CDH23: variants seen among roughly 807,000 people sequenced by gnomAD.
CDH23 encodes the protein cadherin-23.
In CDH23, 189 loss-of-function variants were observed where a neutral mutation model predicts 317.1. The observed-to-expected ratio is 0.60, with a 90% CI of 0.53 to 0.67. The LOEUF (loss-of-function observed/expected upper bound fraction) is 0.67. Among genes scored for constraint, CDH23 ranks in the 30% least tolerant of loss-of-function variants. CDH23 has a pLI of 0.00. For missense variants in CDH23, 4,401 were observed against 4,592.4 expected (o/e 0.96, Z 1.20); for synonymous variants, 1,839 against 1,876.8 (o/e 0.98, Z 0.52).
In CDH23 at chr10:71,777,727, G is replaced by T. The variant is rs576781235; in HGVS notation, c.4893G>T (p.Ala1631=). The T allele has an allele frequency of 2.0e-5, 33 of 1,613,520 alleles. No individual in the cohort carries two copies. Among genetic ancestry groups the T allele is most frequent in the Non-Finnish European group, 2.8e-5 (33 of 1,179,742 alleles). Residue 1631 remains alanine, a synonymous_variant, in exon 39 of 70, where the codon GCG becomes GCT. Coordinates refer to ENST00000224721, the MANE Select transcript of CDH23 (RefSeq NM_022124.6). ...CCATTGTGGATGAGAATGATAACGC[G>T]CCCATGTTCCAGCAGCCCCACTATG... ...YVTIVDENDN[A]PMFQQPHYEV... is the part of the protein sequence containing the mutation.
intron 6 of CDH23, among the ~76,000 whole-genome samples, chr10:71,532,727 G>GTTTTTTT (rs200038577): frequency 9.6e-5 from 9 of 93,930 alleles, no homozygotes; most frequent in Non-Finnish European, 1.9e-4. Context: ...TTTTTTTTTT[G>GTTTTTTT]TTTTTTTTTT....
chr10:71,677,707 GAGCCCTGCACTCCTGCCATTTATCTT>G lies in CDH23; in HGVS notation c.1752+19_1752+44del. ...GTGCGGCTCCGGGTAAGGTGCCAGG[GAGCCCTGCACTCCTGCCATTTATCTT>G]AGCCTTCTCCCTGTACTTGCTTGCT... On this transcript the variant is annotated intron_variant, in intron 16 of 69. Coordinates refer to ENST00000224721, the MANE Select transcript of CDH23 (RefSeq NM_022124.6). The G allele has an allele frequency of 6.5e-7, 1 of 1,541,986 alleles. No homozygotes were observed. The highest frequency in any genetic ancestry group is 1.4e-5 in the African/African-American group (1 of 73,000).
intron 22 of CDH23, among the ~76,000 whole-genome samples, chr10:71,697,916 T>C (rs10999959): frequency 0.62 from 93,555 of 152,008 alleles, 29,310 homozygotes; most frequent in Non-Finnish European, 0.7. Context: ...TGGAGATTTT[T>C]GGTGCCCCAG....
intron 3 of CDH23, among the ~76,000 whole-genome samples, chr10:71,487,785 C>A (rs1424805770): frequency 6.6e-6 from 1 of 152,098 alleles, no homozygotes; most frequent in Non-Finnish European, 1.5e-5. Context: ...GCCTAGACAC[C>A]CTGGTGAGCC....
chr10:71,811,481 C>T (rs2133001883), intron 63 of CDH23, 30 bp from the exon 64 acceptor site: 2 of 1,613,982 alleles, frequency 1.2e-6, no homozygotes, highest in East Asian at 2.2e-5. Flanking sequence ...CTCCCCACTG[C>T]CCGGGCTTAC....
intron 38 of CDH23, among the ~76,000 whole-genome samples, chr10:71,745,514 C>G (rs963582586): frequency 1.3e-5 from 2 of 152,264 alleles, no homozygotes; most frequent in East Asian, 1.9e-4. Flanking sequence ...CAAGACCCCC[C>G]CTCTACTGCC....
chr10:71,454,340 A>G (rs2132042802), intron 3 of CDH23, among the ~76,000 whole-genome samples: 1 of 152,368 alleles, frequency 6.6e-6, no homozygotes, highest in South Asian at 2.1e-4. Flanking sequence ...GCTGTAATTT[A>G]AACTCGCTCG....
At chr10:71,744,105 A>G (rs1165779736) in intron 38 of CDH23, among the ~76,000 whole-genome samples, 3 of 152,198 alleles carry the variant, frequency 2.0e-5, no homozygotes, top group Admixed American at 1.3e-4. Context: ...GGGAGGTTAG[A>G]AAAAATGAGG....
chr10:71,647,441 C>A (rs1392315654), intron 14 of CDH23, among the ~76,000 whole-genome samples: 2 of 146,862 alleles, frequency 1.4e-5, no homozygotes, highest in East Asian at 4.1e-4. Context: ...CCAGCCTGGG[C>A]GACAGAGCCA....
At chr10:71,459,711 T>C (rs1850882670) in intron 3 of CDH23, among the ~76,000 whole-genome samples, 1 of 152,144 alleles carries the variant, frequency 6.6e-6, no homozygotes, top group African/African-American at 2.4e-5. Context: ...TGGTGGGCCC[T>C]GGCAGCGGGC....
At chr10:71,467,868 C>T (rs1258145249) in intron 3 of CDH23, among the ~76,000 whole-genome samples, 1 of 152,158 alleles carries the variant, frequency 6.6e-6, no homozygotes, top group African/African-American at 2.4e-5. Flanking sequence ...AGAATGAGAA[C>T]CCAGGTCCCA....
chr10:71,741,012 C>A, intron 37 of CDH23, 62 bp downstream of exon 37: 1 of 1,589,358 alleles, frequency 6.3e-7, no homozygotes, highest in Non-Finnish European at 8.6e-7. Context: ...CACGAGCCAA[C>A]CATGCAGCCC....
At chr10:71,783,339 G>A (rs542227818) in intron 41 of CDH23, among the ~76,000 whole-genome samples, 18 of 152,124 alleles carry the variant, frequency 1.2e-4, no homozygotes, top group Middle Eastern at 3.2e-3. Flanking sequence ...TTCTCACCCC[G>A]CCCCGGTCAG....
At chr10:71,637,641 G>A (rs957302386) in intron 11 of CDH23, among the ~76,000 whole-genome samples, 2 of 152,296 alleles carry the variant, frequency 1.3e-5, no homozygotes, top group East Asian at 3.9e-4. Context: ...AGGTCATGGG[G>A]CTCTTCCCTG....
intron 38 of CDH23, chr10:71,755,228 A>T: frequency 1.1e-6 from 1 of 882,750 alleles, no homozygotes; most frequent in Non-Finnish European, 1.8e-6. Context: ...CGGGAAGTGC[A>T]GCTGCTCCCA....
intron 65 of CDH23, 59 bp downstream of exon 65, chr10:71,811,812 T>G (rs1841938715): frequency 2.7e-6 from 4 of 1,476,738 alleles, no homozygotes. Flanking sequence ...GGACCTGGAG[T>G]GCCCACCGGA....
chr10:71,403,416 C>CTTTCTTTCT (rs1564558263), intron 1 of CDH23, among the ~76,000 whole-genome samples: 1 of 52,700 alleles, frequency 1.9e-5, no homozygotes, highest in Non-Finnish European at 3.1e-5. Context: ...TCTCTTCCTT[C>CTTTCTTTCT]CTTCCTTCCT....
intron 8 of CDH23, among the ~76,000 whole-genome samples, chr10:71,572,303 C>T (rs12049711): frequency 0.11 from 17,099 of 152,182 alleles, 1,158 homozygotes; most frequent in East Asian, 0.27. Flanking sequence ...CCTAGCCCAA[C>T]TTTGCCAGGC....
chr10:71,397,826 C>T lies in CDH23; in HGVS notation c.-6+508C>T, dbSNP rs1480684001. On this transcript the variant is annotated intron_variant, in intron 1 of 69. Coordinates refer to ENST00000224721, the MANE Select transcript of CDH23 (RefSeq NM_022124.6). The surrounding 1 kb of genome is among the most constrained non-coding windows in gnomAD (Gnocchi z 4.8). ...GGGGAACTAAAGGCACGTAGTTCTC[C>T]CCTCCCCTCATCAAGTCCCTGTGCC... Among the ~76,000 whole-genome samples the T allele has an allele frequency of 6.6e-6, 1 of 152,070 alleles. No homozygotes were observed. The highest frequency in any genetic ancestry group is 1.5e-5 in the Non-Finnish European group (1 of 67,990).
Sources: allele counts gnomAD v4.1 joint callset (sites outside exome capture counted in the v4.1 genomes callset), GRCh38; gene constraint gnomAD v4.1.1; non-coding constraint Gnocchi (gnomAD v3.1); transcripts MANE v1.5; gene names NCBI Gene and HGNC (gene_info 2026-07-23, HGNC 2026-07-21).